The following LIPC variants were observed in gnomAD, a reference collection of about 807,000 sequenced individuals.
LIPC encodes the protein hepatic triacylglycerol lipase.
In LIPC, 44 loss-of-function variants were observed where a neutral mutation model predicts 50.7. That is an observed-to-expected ratio of 0.87 (90% CI 0.68 to 1.11). The LOEUF is 1.11. Among genes scored for constraint, LIPC ranks in the 50% most tolerant of loss-of-function variants. LIPC has a pLI of 0.00. For synonymous variants in LIPC, 271 were observed against 256.4 expected, an observed-to-expected ratio of 1.06 and a Z score of -0.54; for missense variants, 697 against 648.2, an observed-to-expected ratio of 1.08 and a Z score of -0.82.
Position 58,500,675 on chromosome 15 carries a change from C to T in LIPC, c.89-37658C>T, listed in dbSNP as rs181957783. ...ACCTTGAGCAGATAGATTTGGGATC[C>T]ACGTGTAGCCCTGTTAAATTTTGTC... On this transcript the variant is annotated intron_variant, in intron 1 of 8. Transcript: ENST00000299022. Among the ~76,000 whole-genome samples, 3 of 152,268 alleles carry T rather than the reference C, an allele frequency of 2.0e-5. No homozygotes were observed. In the East Asian group the frequency reaches 5.8e-4, roughly 29 times the overall value.
At chr15:58,564,003 C>T (rs1310940674) in intron 8 of LIPC, 4 of 459,072 alleles carry the variant, frequency 8.7e-6, no homozygotes, top group African/African-American at 7.9e-5. Context: ...ATCACACGAA[C>T]CCCAGGCTTC....
chr15:58,432,017 C>T lies in LIPC; in HGVS notation c.-16C>T, dbSNP rs374467536. On this transcript the variant is annotated 5_prime_UTR_variant, in exon 1 of 9. Transcript: ENST00000299022. ...GAAATTACCAAGAAAGCCTGGACCC[C>T]GGGTGAAACGGAGAAATGGACACAA... The T allele has an allele frequency of 8.1e-6, 13 of 1,597,780 alleles. No homozygotes were observed. Among genetic ancestry groups the T allele is most frequent in the African/African-American group, 8.1e-5 (6 of 74,534 alleles).
At chr15:58,485,020 G>A (rs546037509) in intron 1 of LIPC, among the ~76,000 whole-genome samples, 115 of 152,308 alleles carry the variant, frequency 7.6e-4, no homozygotes, top group Non-Finnish European at 1.4e-3. Flanking sequence ...AACATGAGCA[G>A]CAACCATAGC....
rs144096663 is a variant in LIPC at position 58,486,105 on chromosome 15, C to T, written c.89-52228C>T. Among the ~76,000 whole-genome samples, 10 of 152,316 alleles carry T rather than the reference C, an allele frequency of 6.6e-5. No individual in the cohort carries two copies. The East Asian group carries it at 1.7e-3, about 26-fold the overall frequency. ...TCTCTACCATGCTGGTGAATCCATG[C>T]TGCTCCTTGACCTGCCACTCCTTGA... On this transcript the variant is annotated intron_variant, in intron 1 of 8. Coordinates refer to ENST00000299022, the MANE Select transcript of LIPC (RefSeq NM_000236.3).
intron 1 of LIPC, among the ~76,000 whole-genome samples, chr15:58,536,241 A>G (rs1893115779): frequency 6.6e-6 from 1 of 152,182 alleles, no homozygotes; most frequent in Non-Finnish European, 1.5e-5. Context: ...GGTGAGGTGC[A>G]AAGGTACCGG....
At chr15:58,455,997 G>A (rs1207454560) in intron 1 of LIPC, among the ~76,000 whole-genome samples, 3 of 152,104 alleles carry the variant, frequency 2.0e-5, no homozygotes, top group African/African-American at 7.2e-5. Flanking sequence ...AGGGGGTCAG[G>A]GATGGATAGA....
At chr15:58,465,885 C>A (rs1046502199) in intron 1 of LIPC, among the ~76,000 whole-genome samples, 13 of 152,176 alleles carry the variant, frequency 8.5e-5, no homozygotes, top group Admixed American at 2.0e-4. Flanking sequence ...ACAATCATAG[C>A]CCTCGATGTC....
chr15:58,478,966 G>A (rs1891094657), intron 1 of LIPC, among the ~76,000 whole-genome samples: 2 of 152,190 alleles, frequency 1.3e-5, no homozygotes, highest in Admixed American at 1.3e-4. Flanking sequence ...CATTCTGACG[G>A]GCTCTAGGCC....
intron 4 of LIPC, among the ~76,000 whole-genome samples, chr15:58,545,206 A>G (rs1338014384): frequency 1.3e-5 from 2 of 152,120 alleles, no homozygotes; most frequent in African/African-American, 2.4e-5. Flanking sequence ...TGATTTGCTC[A>G]AGTAAATCAA....
At chr15:58,489,009 G>A (rs1347274313) in intron 1 of LIPC, among the ~76,000 whole-genome samples, 2 of 152,114 alleles carry the variant, frequency 1.3e-5, no homozygotes, top group Non-Finnish European at 2.9e-5. Context: ...ATGAGAGTGT[G>A]CATCTGCAAG....
intron 1 of LIPC, among the ~76,000 whole-genome samples, chr15:58,504,053 T>C (rs1475484250): frequency 2.6e-5 from 4 of 152,126 alleles, no homozygotes; most frequent in African/African-American, 9.7e-5. Context: ...AAACAAAAAT[T>C]CTCAGAAAGC....
chr15:58,509,956 C>A (rs550529803), intron 1 of LIPC, among the ~76,000 whole-genome samples: 5 of 59,968 alleles, frequency 8.3e-5, no homozygotes, highest in African/African-American at 3.9e-4. Context: ...TCTATTGAAT[C>A]ATTAAAAAAA....
chr15:58,493,621 ATAAATAAAATTTATACAAAATTTATTACG>A (rs1891664821), intron 1 of LIPC, among the ~76,000 whole-genome samples: 4 of 145,780 alleles, frequency 2.7e-5, no homozygotes, highest in Non-Finnish European at 3.0e-5. Flanking sequence ...TTTATTACGT[ATAAATAAAATTTATACAAAATTTATTACG>A]TATAAATAAA....
rs539799124 is a variant in LIPC at position 58,548,916 on chromosome 15, G to A, written c.1051+344G>A. On this transcript the variant is annotated intron_variant, in intron 6 of 8. Transcript: ENST00000299022. ...GGATCTCACTGTACAGGGACGTCAG[G>A]CATCTCCAAACACATCCTAGAACCC... 7.2e-5 allele frequency among the ~76,000 whole-genome samples: 11 copies of A among 152,330 alleles called. No individual in the cohort carries two copies. In the East Asian group the frequency reaches 1.7e-3, roughly 24 times the overall value.
intron 1 of LIPC, among the ~76,000 whole-genome samples, chr15:58,506,779 G>A (rs560190694): frequency 2.6e-5 from 4 of 152,306 alleles, no homozygotes; most frequent in African/African-American, 7.2e-5. Context: ...TGCTACAGGT[G>A]TGGGGGTGTG....
intron 6 of LIPC, among the ~76,000 whole-genome samples, chr15:58,551,472 T>A (rs1158653552): frequency 2.0e-5 from 3 of 152,230 alleles, no homozygotes; most frequent in Admixed American, 6.5e-5. Flanking sequence ...CAAGCCACCT[T>A]TCAAGTGCTC....
At chr15:58,552,014 T>A (rs1893779857) in intron 6 of LIPC, among the ~76,000 whole-genome samples, 1 of 152,214 alleles carries the variant, frequency 6.6e-6, no homozygotes, top group African/African-American at 2.4e-5. Flanking sequence ...ATCGCCCACT[T>A]CCATTCTCAC....
At chr15:58,463,847 G>A (rs1894440361) in intron 1 of LIPC, among the ~76,000 whole-genome samples, 2 of 152,086 alleles carry the variant, frequency 1.3e-5, no homozygotes, top group Non-Finnish European at 2.9e-5. Context: ...AGTACCTCTT[G>A]CATAACTTTC....
chr15:58,459,324 C>T (rs1362841612), intron 1 of LIPC, among the ~76,000 whole-genome samples: 2 of 151,876 alleles, frequency 1.3e-5, no homozygotes, highest in African/African-American at 4.8e-5. Flanking sequence ...GAGGGGCAAA[C>T]ATTTGCTGGT....
Sources: allele counts gnomAD v4.1 joint callset (sites outside exome capture counted in the v4.1 genomes callset), GRCh38; gene constraint gnomAD v4.1.1; transcripts MANE v1.5; gene names NCBI Gene and HGNC (gene_info 2026-07-23, HGNC 2026-07-21).